Variants in MPZL3 observed in about 807,000 individuals in gnomAD.
The protein encoded by MPZL3 is myelin protein zero-like protein 3.
A neutral mutation model predicts 24.8 loss-of-function variants in MPZL3; 23 were observed. That is an observed-to-expected ratio of 0.93 (90% CI 0.67 to 1.31). The LOEUF (loss-of-function observed/expected upper bound fraction) is 1.31. Ranked by LOEUF, MPZL3 falls within the 40% of genes most tolerant of loss-of-function variation. MPZL3 has a pLI of 0.00. For synonymous variants in MPZL3, 99 were observed against 106.5 expected (o/e 0.93, Z 0.44); for missense variants, 277 against 294.9 (o/e 0.94, Z 0.44).
chr11:118,240,542 T>C (rs1279858807), intron 1 of MPZL3, among the ~76,000 whole-genome samples, 165 bp from the exon 2 acceptor site: 1 of 152,204 alleles, frequency 6.6e-6, no homozygotes, highest in Non-Finnish European at 1.5e-5. Context: ...GATATCTGCA[T>C]TAATCAAAGA....
chr11:118,227,824 G>C lies in MPZL3; in HGVS notation c.*2070C>G, dbSNP rs1473398961. ...CTCATTTAATGGGATATGGCTTTCAGTGGGTTCCTGTAACACCATCTCTTT... is the reference window on the plus strand; with the variant it reads ...CTCATTTAATGGGATATGGCTTTCACTGGGTTCCTGTAACACCATCTCTTT... On this transcript the variant is annotated 3_prime_UTR_variant, in exon 6 of 6. Transcript: ENST00000278949. The C allele has an allele frequency of 6.6e-6, 1 of 152,204 alleles. No individual in the cohort carries two copies. 9.4% of individuals were successfully genotyped at this position (152,204 alleles called of 1,614,324 possible).
chr11:118,235,969 C>G (rs1351981671), intron 3 of MPZL3, among the ~76,000 whole-genome samples: 1 of 152,172 alleles, frequency 6.6e-6, no homozygotes, highest in Non-Finnish European at 1.5e-5. Flanking sequence ...GCATAGCATT[C>G]TATCACATTG....
chr11:118,234,376 G>C (rs1221492005), intron 4 of MPZL3, among the ~76,000 whole-genome samples: 1 of 152,174 alleles, frequency 6.6e-6, no homozygotes, highest in Non-Finnish European at 1.5e-5. Context: ...AAACTCAAGA[G>C]AAGGGGCTAT....
chr11:118,237,281 G>A (rs780046175), intron 2 of MPZL3, 21 bp from the exon 3 acceptor site: 26 of 1,603,010 alleles, frequency 1.6e-5, no homozygotes, highest in Non-Finnish European at 2.1e-5. Context: ...AACACCATGA[G>A]AGAAAAGGTT....
Position 118,240,239 on chromosome 11 carries a change from C to T in MPZL3, c.212G>A (p.Arg71His), listed in dbSNP as rs145717408. 4.0e-4 allele frequency: 621 copies of T among 1,570,718 alleles called. 2 individuals carry two copies. Among genetic ancestry groups the T allele is most frequent in the Middle Eastern group, 2.3e-3 (14 of 5,966 alleles). ...TDKLTIDWTY[R>H]PPSSSHTVSI... ...TACTGTGTGGCTGCTGCTGGGAGGG[C>T]GATATGTCCAGTCTATAGTAAGTTT... is the stretch of plus-strand genomic sequence containing the variant. Residue 71 changes from arginine to histidine, a missense_variant, in exon 2 of 6, where the codon CGC (arginine) becomes CAC (histidine). Arg to His is a conservative substitution (Grantham distance 29). Transcript: ENST00000278949.
chr11:118,245,320 C>A (rs1436027270), intron 1 of MPZL3, among the ~76,000 whole-genome samples: 2 of 151,848 alleles, frequency 1.3e-5, no homozygotes, highest in African/African-American at 4.8e-5. Context: ...CCAGCTTGGG[C>A]AATAGAGCAA....
chr11:118,246,351 C>A (rs961930519), intron 1 of MPZL3, among the ~76,000 whole-genome samples: 1 of 152,096 alleles, frequency 6.6e-6, no homozygotes, highest in Non-Finnish European at 1.5e-5. Context: ...GAATATCACC[C>A]CCACAGGACC....
chr11:118,238,645 T>C (rs1793142), intron 2 of MPZL3, among the ~76,000 whole-genome samples: 13,347 of 152,218 alleles, frequency 0.088, 1,949 homozygotes, highest in African/African-American at 0.3. Flanking sequence ...CCAGAAAAGA[T>C]GCTGACTCAC....
At chr11:118,239,665 A>G (rs1443414932) in intron 2 of MPZL3, among the ~76,000 whole-genome samples, 2 of 152,196 alleles carry the variant, frequency 1.3e-5, no homozygotes, top group Non-Finnish European at 2.9e-5. Flanking sequence ...TCTGTCACCA[A>G]CATCTGTCAC....
At chr11:118,233,029 T>A (rs540937376) in intron 5 of MPZL3, among the ~76,000 whole-genome samples, 1 of 152,298 alleles carries the variant, frequency 6.6e-6, no homozygotes, top group South Asian at 2.1e-4. Context: ...CAGGGTGGTA[T>A]TTCTTATTGA....
In MPZL3 at chr11:118,248,138, C is replaced by T. The variant is rs1329441127; in HGVS notation, c.73+4084G>A. 2.9e-5 allele frequency among the ~76,000 whole-genome samples: 4 copies of T among 137,562 alleles called. No homozygotes were observed. The East Asian group carries it at 6.6e-4, about 23-fold the overall frequency. The allele number at this position is 137,562 out of a possible 152,430, so 90.2% of individuals were successfully genotyped here. A position where few individuals can be genotyped will look rare whatever the true frequency, so the allele number is the denominator to read the frequency against. On this transcript the variant is annotated intron_variant, in intron 1 of 5. Coordinates refer to ENST00000278949, the MANE Select transcript of MPZL3 (RefSeq NM_198275.3). Reference sequence around the variant, plus strand: ...TTGCCCAGGCTGCAGTGCAGTGGCGCGATCTTGGCTCACTGCATCCTCCAC... The same window carrying T: ...TTGCCCAGGCTGCAGTGCAGTGGCGTGATCTTGGCTCACTGCATCCTCCAC...
chr11:118,237,612 G>A (rs1330445188), intron 2 of MPZL3, among the ~76,000 whole-genome samples: 6 of 152,146 alleles, frequency 3.9e-5, no homozygotes, highest in Admixed American at 3.9e-4. Flanking sequence ...CTAGTGGGTA[G>A]GGGCCGGGAA....
rs530697342 is a variant in MPZL3 at position 118,228,556 on chromosome 11, C to G, written c.*1338G>C. ...TGTCATAGCAGAATGGAGTAACCTG[C>G]TGTAAGGCACTGAGAGAATACAAAG... On this transcript the variant is annotated 3_prime_UTR_variant, in exon 6 of 6. Transcript: ENST00000278949. The G allele has an allele frequency of 2.6e-5, 4 of 152,288 alleles. No individual in the cohort carries two copies. The East Asian group carries it at 7.7e-4, about 29-fold the overall frequency. 9.4% of individuals were successfully genotyped at this position (152,288 alleles called of 1,614,324 possible).
chr11:118,240,783 A>ACTCTCT (rs1555111906), intron 1 of MPZL3, among the ~76,000 whole-genome samples: 3 of 140,440 alleles, frequency 2.1e-5, no homozygotes, highest in Admixed American at 7.2e-5. Context: ...ACACACACAC[A>ACTCTCT]CTCTGGGAAT....
chr11:118,233,340 A>G (rs1431852406), intron 5 of MPZL3, 120 bp downstream of exon 5: 1 of 1,079,150 alleles, frequency 9.3e-7, no homozygotes, highest in African/African-American at 1.5e-5. Flanking sequence ...ATGCTGGTTC[A>G]TATCTTGCTT....
intron 2 of MPZL3, among the ~76,000 whole-genome samples, chr11:118,238,327 C>T (rs1949451235): frequency 6.6e-6 from 1 of 152,130 alleles, no homozygotes; most frequent in South Asian, 2.1e-4. Flanking sequence ...ATCCCTAAGT[C>T]TAATACCTGA....
chr11:118,231,688 G>C (rs1275864087), intron 5 of MPZL3, among the ~76,000 whole-genome samples: 3 of 152,110 alleles, frequency 2.0e-5, no homozygotes, highest in African/African-American at 4.8e-5. Context: ...TATTCTACCA[G>C]TTGCCCAAGT....
At chr11:118,250,326 G>T (rs1223220613) in intron 1 of MPZL3, among the ~76,000 whole-genome samples, 1 of 151,846 alleles carries the variant, frequency 6.6e-6, no homozygotes, top group African/African-American at 2.4e-5. Flanking sequence ...TATATGAAAT[G>T]TCCAGAATAG....
In MPZL3 at chr11:118,240,244, T is replaced by C; in HGVS notation, c.207A>G (p.Thr69=). The C allele has an allele frequency of 1.3e-6, 2 of 1,575,642 alleles. No homozygotes were observed. The highest frequency in any genetic ancestry group is 1.7e-6 in the Non-Finnish European group (2 of 1,166,706). ...DVTDKLTIDW[T]YRPPSSSHTV... is the part of the protein sequence containing the mutation. ...TGTGGCTGCTGCTGGGAGGGCGATATGTCCAGTCTATAGTAAGTTTGTCAG... is the reference window on the plus strand; with the variant it reads ...TGTGGCTGCTGCTGGGAGGGCGATACGTCCAGTCTATAGTAAGTTTGTCAG... Residue 69 remains threonine (T), a synonymous_variant, in exon 2 of 6, where the codon ACA becomes ACG. Transcript: ENST00000278949.
Sources: gnomAD v4.1 joint callset for allele counts (sites outside exome capture counted in the v4.1 genomes callset) on GRCh38, gnomAD v4.1.1 for gene constraint, MANE v1.5 for transcripts, NCBI Gene and HGNC (gene_info 2026-07-23, HGNC 2026-07-21) for gene names.